LONP1: variants seen among roughly 807,000 people sequenced by gnomAD.
The protein encoded by LONP1 is lon protease homolog, mitochondrial.
Under a neutral mutation model 98.5 loss-of-function variants are expected in LONP1, and 31 were observed. The ratio of observed to expected loss-of-function variants is 0.31; its 90% CI spans 0.24 to 0.42. The LOEUF is 0.42. LONP1 is among the 20% of genes least tolerant of loss of function. The pLI is 1.00. For missense variants in LONP1, 1,336 were observed against 1,350.6 expected, an observed-to-expected ratio of 0.99 and a Z score of 0.17; for synonymous variants, 781 against 594.7, an observed-to-expected ratio of 1.31 and a Z score of -4.56.
intron 8 of LONP1, 41 bp from the exon 9 acceptor site, chr19:5,700,968 G>C (rs367843373): frequency 8.1e-6 from 13 of 1,611,586 alleles, no homozygotes; most frequent in Non-Finnish European, 1.1e-5. Context: ...TGGAGCTCAC[G>C]AGCTGCCTGT....
In LONP1 at chr19:5,693,456, T is replaced by A; in HGVS notation, c.2545A>T (p.Thr849Ser). Residue 849 changes from threonine to serine, a missense_variant, in exon 17 of 18, where the codon ACC becomes TCC. Transcript: ENST00000360614. ...CCTGCGCTTGGGCCGTCCTTGGGGG[T>A]GGCGCCCTGTGGAGGCATGTGGGGA... ...HIHLHVPEGATPKDGPSAGCT... is the reference protein window; with the variant it reads ...HIHLHVPEGASPKDGPSAGCT... The A allele has an allele frequency of 1.2e-6, 2 of 1,610,716 alleles. No individual in the cohort carries two copies. Among genetic ancestry groups the A allele is most frequent in the Non-Finnish European group, 1.7e-6 (2 of 1,177,900 alleles).
intron 6 of LONP1, 52 bp from the exon 7 acceptor site, chr19:5,707,195 T>G (rs763987696): frequency 1.2e-5 from 17 of 1,467,760 alleles, no homozygotes; most frequent in African/African-American, 6.9e-5. Flanking sequence ...CATCTGTGTG[T>G]GTAGGGCCGA....
chr19:5,700,744 G>T (rs200001223), intron 9 of LONP1, 45 bp downstream of exon 9: 2 of 1,609,150 alleles, frequency 1.2e-6, no homozygotes. Context: ...TCCTGGGCCC[G>T]GGCACCCACA....
Position 5,694,559 on chromosome 19 carries a change from G to C in LONP1, c.2155-7C>G. On this transcript the variant is annotated splice_region_variant and splice_polypyrimidine_tract_variant and intron_variant, in intron 14 of 17. Transcript: ENST00000360614. The stretch of plus-strand genomic sequence containing the variant: ...AGGCCGATTTCCGTAACACCTGGGC[G>C]GTCAGGGCAACACAATGGGCACGGG... 1.9e-6 allele frequency: 3 copies of C among 1,610,990 alleles called. No individual in the cohort carries two copies. The highest frequency in any genetic ancestry group is 1.1e-5 in the South Asian group (1 of 91,016).
chr19:5,693,249 G>A (rs941717963), intron 17 of LONP1, 49 bp downstream of exon 17: 4 of 1,568,226 alleles, frequency 2.6e-6, no homozygotes, highest in Non-Finnish European at 2.6e-6. Context: ...CCTGTCCCGT[G>A]GTGGTGTGGG....
rs529669635 is a variant in LONP1, at chr19:5,716,577, G to GA, written c.430-2307dup. Among the ~76,000 whole-genome samples the GA allele has an allele frequency of 6.5e-4, 91 of 140,936 alleles. 2 individuals carry two copies. The highest frequency in any genetic ancestry group is 1.5e-3 in the African/African-American group (59 of 38,144). The allele number at this position is 140,936 out of a possible 152,430, so 92.5% of individuals were successfully genotyped here. A position where few individuals can be genotyped will look rare whatever the true frequency, so the allele number is the denominator to read the frequency against. ...ATAATTTTTTTTTTTTCTGTTCCCA[G>GA]AAAAAAAAAAGTCAGTAACATCTGA... On this transcript the variant is annotated intron_variant, in intron 1 of 17. Coordinates refer to ENST00000360614, the MANE Select transcript of LONP1 (RefSeq NM_004793.4).
intron 1 of LONP1, among the ~76,000 whole-genome samples, chr19:5,718,782 C>T (rs895073857): frequency 6.6e-6 from 1 of 152,020 alleles, no homozygotes; most frequent in Non-Finnish European, 1.5e-5. Flanking sequence ...CTTACACTCA[C>T]TGCTTTCTCT....
chr19:5,701,039 C>A, intron 8 of LONP1, 112 bp from the exon 9 acceptor site: 2 of 1,230,848 alleles, frequency 1.6e-6, no homozygotes, highest in Non-Finnish European at 1.2e-6. Flanking sequence ...TGGGGCTGAG[C>A]GCGGTGGCTC....
chr19:5,716,939 G>A (rs538983227), intron 1 of LONP1, among the ~76,000 whole-genome samples: 285 of 152,094 alleles, frequency 1.9e-3, no homozygotes, highest in Non-Finnish European at 3.2e-3. Context: ...GACTACGGGC[G>A]CCCACCACCA....
intron 9 of LONP1, among the ~76,000 whole-genome samples, chr19:5,700,022 TCCACCTCCCGGGCTCAAGCAGTCCTC>T (rs1766615645): frequency 6.6e-6 from 1 of 152,250 alleles, no homozygotes; most frequent in East Asian, 1.9e-4. Context: ...CACTGCAGCC[TCCACCTCCCGGGCTCAAGCAGTCCTC>T]CCACCTCAGC....
chr19:5,719,067 G>A (rs1456980281), intron 1 of LONP1, among the ~76,000 whole-genome samples: 5 of 152,090 alleles, frequency 3.3e-5, no homozygotes, highest in African/African-American at 1.2e-4. Flanking sequence ...TAAGCTCCAA[G>A]GCAGATTTAT....
In LONP1 at chr19:5,719,925, C is replaced by T. The variant is rs1451170654; in HGVS notation, c.208G>A (p.Glu70Lys). ...AIGGQWRGFW[E>K]ASSRGGGAFS... ...GCGCCTCCGCCGCGGCTGCTCGCTT[C>T]CCAAAACCCCCGCCATTGGCCCCCA... Residue 70 changes from glutamate (E) to lysine (K), a missense_variant, in exon 1 of 18, where the codon GAA (glutamate) becomes AAA (lysine). By Grantham distance (56) the Glu-to-Lys change is moderately conservative. Around this residue, in one of 5 missense-constraint regions of LONP1, gnomAD observed 457 missense variants for 403.1 expected, o/e 1.13. Transcript: ENST00000360614. The T allele has an allele frequency of 1.9e-6, 3 of 1,552,514 alleles. No homozygotes were observed. The highest frequency in any genetic ancestry group is 2.4e-5 in the South Asian group (2 of 84,746).
rs1402782864 is a variant in LONP1, at chr19:5,719,769, G to A, written c.364C>T (p.Pro122Ser). The A allele has an allele frequency of 6.2e-7, 1 of 1,613,562 alleles. No homozygotes were observed. The highest frequency in any genetic ancestry group is 8.5e-7 in the Non-Finnish European group (1 of 1,180,016). The change falls in exon 1 of 18, where the codon CCG becomes TCG. Residue 122 changes from proline to serine, a missense_variant. Physicochemically the swap from Pro to Ser is moderately conservative, Grantham distance 74. Around this residue, in one of 5 missense-constraint regions of LONP1, gnomAD observed 457 missense variants for 403.1 expected, o/e 1.13. Coordinates refer to ENST00000360614, the MANE Select transcript of LONP1 (RefSeq NM_004793.4). ...GTGATGGCGATGAGCGGCAGGTGCGGAAACACATCGGGGATCGTCATGGGC... is the reference window on the plus strand; with the variant it reads ...GTGATGGCGATGAGCGGCAGGTGCGAAAACACATCGGGGATCGTCATGGGC... Reference protein sequence around the residue: ...LTPMTIPDVFPHLPLIAITRN... With the variant: ...LTPMTIPDVFSHLPLIAITRN...
intron 10 of LONP1, among the ~76,000 whole-genome samples, chr19:5,697,761 CTTGTCT>C (rs912130662): frequency 1.4e-5 from 2 of 147,830 alleles, no homozygotes; most frequent in Non-Finnish European, 3.0e-5. Context: ...TGTCCTTGTC[CTTGTCT>C]CAGGAACCCA....
Position 5,693,283 on chromosome 19 carries a change from T to C in LONP1, c.2703+15A>G, listed in dbSNP as rs2054864038. 1 of 1,603,230 alleles carries C rather than the reference T, an allele frequency of 6.2e-7. No individual in the cohort carries two copies. Among genetic ancestry groups the C allele is most frequent in the African/African-American group, 1.3e-5 (1 of 74,724 alleles). ...GGCCCTGCCAGTGCTGTGGGGTGGG[T>C]ACAGGGACACTCACCGCAATGGTCT... On this transcript the variant is annotated intron_variant, in intron 17 of 17. Transcript: ENST00000360614.
chr19:5,714,310 A>ATTTTTTTTTTTTT, intron 1 of LONP1, 39 bp from the exon 2 acceptor site: 2 of 1,360,400 alleles, frequency 1.5e-6, no homozygotes, highest in Non-Finnish European at 2.0e-6. Context: ...TGCAGAGTAG[A>ATTTTTTTTTTTTT]TTTTTTTTTT....
At chr19:5,708,538 C>T (rs1476718669) in intron 4 of LONP1, 135 bp from the exon 5 acceptor site, 27 of 379,248 alleles carry the variant, frequency 7.1e-5, no homozygotes, top group Non-Finnish European at 1.3e-4. Context: ...GCCCTGGCCA[C>T]GGACGGCCTG....
rs200774149 is a variant in LONP1 at position 5,692,065 on chromosome 19, G to T, written c.2847C>A (p.Asp949Glu). The change falls in exon 18 of 18, where the codon GAC (aspartate) becomes GAA (glutamate). Residue 949 changes from aspartate to glutamate, a missense_variant. Around this residue, in one of 5 missense-constraint regions of LONP1, gnomAD observed 555 missense variants for 542.6 expected, o/e 1.02. Coordinates refer to ENST00000360614, the MANE Select transcript of LONP1 (RefSeq NM_004793.4). ...CCACGGCCAGCGCCTCTGCCTGCTC[G>T]TCCGGGAAGGCGATGTCGAAGATCT... ...YREIFDIAFPDEQAEALAVER is the reference protein window; with the variant it reads ...YREIFDIAFPEEQAEALAVER 3.0e-5 allele frequency: 48 copies of T among 1,607,822 alleles called. No homozygotes were observed. In the African/African-American group the frequency reaches 5.8e-4, roughly 19 times the overall value.
chr19:5,702,385 C>G (rs966890382), intron 8 of LONP1, among the ~76,000 whole-genome samples: 1 of 149,910 alleles, frequency 6.7e-6, no homozygotes, highest in African/African-American at 2.5e-5. Flanking sequence ...GGCCAGCCGC[C>G]CCGTCCGGGA....
Sources: gnomAD v4.1 joint callset for allele counts (sites outside exome capture counted in the v4.1 genomes callset) on GRCh38, gnomAD v4.1.1 for gene constraint, gnomAD v4.1.1 regional missense constraint, MANE v1.5 for transcripts, NCBI Gene and HGNC (gene_info 2026-07-23, HGNC 2026-07-21) for gene names.